Variants in UHRF2 observed in about 807,000 individuals in gnomAD.
UHRF2 encodes the protein E3 ubiquitin-protein ligase UHRF2.
A neutral mutation model predicts 96.8 loss-of-function variants in UHRF2; 23 were observed. The ratio of observed to expected loss-of-function variants is 0.24; its 90% CI spans 0.17 to 0.34. UHRF2 has a LOEUF of 0.34. Ranked by LOEUF, UHRF2 falls within the 10% of genes least tolerant of loss-of-function variation. The probability of loss-of-function intolerance (pLI) is 1.00; values close to 1 mark genes in which losing one functional copy is unlikely to be tolerated. For synonymous variants in UHRF2, 385 were observed against 332.6 expected (o/e 1.16, Z -1.72); for missense variants, 685 against 981.5 (o/e 0.70, Z 4.04).
chr9:6,417,492 C>A (rs114996788), intron 1 of UHRF2, among the ~76,000 whole-genome samples: 2,233 of 152,268 alleles, frequency 0.015, 50 homozygotes, highest in African/African-American at 0.05. Flanking sequence ...TCTTCACTTT[C>A]ATTAAATGTG....
intron 14 of UHRF2, among the ~76,000 whole-genome samples, chr9:6,501,665 A>T (rs1816298225): frequency 6.6e-6 from 1 of 152,254 alleles, no homozygotes; most frequent in Non-Finnish European, 1.5e-5. Context: ...AATGAAGCTT[A>T]CATGTTTAGA....
chr9:6,473,267 A>G (rs1279692865), intron 4 of UHRF2, among the ~76,000 whole-genome samples: 3 of 152,240 alleles, frequency 2.0e-5, no homozygotes, highest in Non-Finnish European at 4.4e-5. Flanking sequence ...GGGTTGAGAC[A>G]TACCAAATAT....
intron 3 of UHRF2, among the ~76,000 whole-genome samples, chr9:6,440,648 C>T (rs1356094142): frequency 1.3e-5 from 2 of 152,160 alleles, no homozygotes. Context: ...ATGTCAACAA[C>T]TTAGGGTATC....
intron 2 of UHRF2, among the ~76,000 whole-genome samples, chr9:6,428,261 C>T (rs145426786): frequency 2.3e-4 from 35 of 152,200 alleles, no homozygotes; most frequent in Non-Finnish European, 3.7e-4. Flanking sequence ...ACAAAGAGCA[C>T]GATCACTGTC....
At chr9:6,493,321 T>A (rs1054552877) in intron 9 of UHRF2, among the ~76,000 whole-genome samples, 1 of 152,054 alleles carries the variant, frequency 6.6e-6, no homozygotes. Flanking sequence ...AAGGTGAAGT[T>A]TTTAGGTAAA....
intron 3 of UHRF2, among the ~76,000 whole-genome samples, chr9:6,434,740 C>A (rs946280968): frequency 1.3e-5 from 2 of 151,712 alleles, no homozygotes; most frequent in African/African-American, 2.4e-5. Flanking sequence ...CGCCTGGCCT[C>A]TATTAGGTAT....
intron 4 of UHRF2, among the ~76,000 whole-genome samples, chr9:6,465,052 C>G (rs897539466): frequency 6.6e-6 from 1 of 152,112 alleles, no homozygotes; most frequent in East Asian, 1.9e-4. Flanking sequence ...TTTTTCTTTA[C>G]TTTTGATTTC....
chr9:6,413,522 C>G lies in UHRF2; in HGVS notation c.32C>G (p.Ser11Cys), dbSNP rs574556038. 1 of 1,590,492 alleles carries G rather than the reference C, an allele frequency of 6.3e-7. No individual in the cohort carries two copies. The highest frequency in any genetic ancestry group is 2.4e-5 in the East Asian group (1 of 41,830). The change falls in exon 1 of 16, where the codon TCC becomes TGC. Residue 11 changes from serine to cysteine, a missense_variant. Physicochemically the swap from Ser to Cys is moderately radical, Grantham distance 112. This residue lies in a region of UHRF2 where 38 missense variants were observed against 35.9 expected (regional missense o/e 1.06). Coordinates refer to ENST00000276893, the MANE Select transcript of UHRF2 (RefSeq NM_152896.3). MWIQVRTIDGSKTCTIEDVSR... is the reference protein window; with the variant it reads MWIQVRTIDGCKTCTIEDVSR... ...ATACAGGTTCGCACCATTGATGGCTCCAAGACGTGCACCATTGAGGACGTG... is the reference window on the plus strand; with the variant it reads ...ATACAGGTTCGCACCATTGATGGCTGCAAGACGTGCACCATTGAGGACGTG...
rs1197499649 is a variant in UHRF2 at position 6,504,613 on chromosome 9, A to G, written c.2184A>G (p.Glu728=). The part of the protein sequence containing the change: ...VEGPNFLKKL[E]QSFMCVCCQE... Reference sequence around the variant, plus strand: ...TCTAGAATTTTCTGAAAAAATTGGAACAATCTTTTATGTGCGTTTGCTGTC... The same window carrying G: ...TCTAGAATTTTCTGAAAAAATTGGAGCAATCTTTTATGTGCGTTTGCTGTC... Residue 728 remains glutamate, a synonymous_variant, in exon 15 of 16, where the codon GAA becomes GAG. Transcript: ENST00000276893. 4 of 1,613,446 alleles carry G rather than the reference A, an allele frequency of 2.5e-6. No individual in the cohort carries two copies. The highest frequency in any genetic ancestry group is 3.4e-6 in the Non-Finnish European group (4 of 1,179,676).
At chr9:6,432,425 G>C (rs1370843333) in intron 2 of UHRF2, among the ~76,000 whole-genome samples, 2 of 152,132 alleles carry the variant, frequency 1.3e-5, no homozygotes, top group Non-Finnish European at 2.9e-5. Context: ...TGAAGTTCCT[G>C]TATACCTGTC....
At chr9:6,476,677 C>G (rs1203356906) in intron 5 of UHRF2, among the ~76,000 whole-genome samples, 1 of 152,112 alleles carries the variant, frequency 6.6e-6, no homozygotes, top group Non-Finnish European at 1.5e-5. Flanking sequence ...TCACTGCAAC[C>G]TCTGCCTCCC....
intron 3 of UHRF2, among the ~76,000 whole-genome samples, chr9:6,447,648 C>T (rs1375629999): frequency 6.6e-6 from 1 of 152,096 alleles, no homozygotes; most frequent in Non-Finnish European, 1.5e-5. Context: ...ATGTTTCTTT[C>T]CACTCCTTCC....
chr9:6,430,162 C>T (rs1456838551), intron 2 of UHRF2, among the ~76,000 whole-genome samples: 1 of 152,212 alleles, frequency 6.6e-6, no homozygotes, highest in African/African-American at 2.4e-5. Flanking sequence ...AGGTGCATGC[C>T]ACCATGCCCG....
intron 4 of UHRF2, among the ~76,000 whole-genome samples, chr9:6,470,510 T>A (rs915156143): frequency 6.6e-6 from 1 of 152,076 alleles, no homozygotes; most frequent in Non-Finnish European, 1.5e-5. Context: ...AGGGAGTTAT[T>A]TAAGTGGGAG....
intron 2 of UHRF2, among the ~76,000 whole-genome samples, chr9:6,427,072 A>G (rs748912678): frequency 6.6e-6 from 1 of 152,080 alleles, no homozygotes; most frequent in Non-Finnish European, 1.5e-5. Flanking sequence ...TTATATTTGC[A>G]TTGGGTTTTT....
chr9:6,447,298 C>A (rs1044259544), intron 3 of UHRF2, among the ~76,000 whole-genome samples: 1 of 152,144 alleles, frequency 6.6e-6, no homozygotes, highest in African/African-American at 2.4e-5. Flanking sequence ...TATAAAAGCA[C>A]AGTTTTCTGT....
At chr9:6,504,444 A>G (rs1184929887) in intron 14 of UHRF2, 149 bp from the exon 15 acceptor site, 4 of 538,818 alleles carry the variant, frequency 7.4e-6, no homozygotes. Flanking sequence ...AATCAGGGTA[A>G]TTGGAATGTT....
chr9:6,502,292 C>T (rs1816331542), intron 14 of UHRF2, among the ~76,000 whole-genome samples: 1 of 152,176 alleles, frequency 6.6e-6, no homozygotes. Context: ...TTTAAACATG[C>T]TCGACGTCTT....
chr9:6,478,021 T>A (rs1267669104), intron 6 of UHRF2, among the ~76,000 whole-genome samples: 1 of 152,224 alleles, frequency 6.6e-6, no homozygotes, highest in East Asian at 1.9e-4. Flanking sequence ...CCGTTTCTTC[T>A]CTGATAATAG....
Sources: allele counts gnomAD v4.1 joint callset (sites outside exome capture counted in the v4.1 genomes callset), GRCh38; gene constraint gnomAD v4.1.1; regional missense constraint gnomAD v4.1.1; transcripts MANE v1.5; gene names NCBI Gene and HGNC (gene_info 2026-07-23, HGNC 2026-07-21).